HLCS: variants seen among roughly 807,000 people sequenced by gnomAD.
HLCS encodes the protein biotin--protein ligase.
Under a neutral mutation model 75.0 loss-of-function variants are expected in HLCS, and 53 were observed. The observed-to-expected ratio is 0.71, with a 90% CI of 0.57 to 0.89. The LOEUF is 0.89. Among genes scored for constraint, HLCS ranks in the 40% least tolerant of loss-of-function variants. The pLI is 0.00. For missense variants in HLCS, 966 were observed against 1,074.0 expected (o/e 0.90, Z 1.41); for synonymous variants, 431 against 428.6 (o/e 1.01, Z -0.07).
At chr21:36,936,274 G>C (rs1043862648) in intron 4 of HLCS, among the ~76,000 whole-genome samples, 175 bp downstream of exon 4, 1 of 152,096 alleles carries the variant, frequency 6.6e-6, no homozygotes, top group African/African-American at 2.4e-5. Flanking sequence ...AGAAAGCCCT[G>C]AACTAAACTA....
intron 1 of HLCS, among the ~76,000 whole-genome samples, chr21:36,979,749 T>C (rs1019242385): frequency 2.1e-4 from 32 of 151,934 alleles, no homozygotes; most frequent in African/African-American, 5.1e-4. Context: ...ACTCCATCTG[T>C]ACAGAAAATT....
At chr21:36,900,613 C>G (rs1220549979) in intron 5 of HLCS, among the ~76,000 whole-genome samples, 1 of 152,100 alleles carries the variant, frequency 6.6e-6, no homozygotes, top group Non-Finnish European at 1.5e-5. Context: ...CAGGATCACC[C>G]CACTCTGACT....
rs1324271194 is a variant in HLCS at position 36,793,265 on chromosome 21, C to G, written c.1893-25980G>C. 2.0e-5 allele frequency among the ~76,000 whole-genome samples: 3 copies of G among 149,518 alleles called. No homozygotes were observed. The East Asian group carries it at 6.0e-4, about 30-fold the overall frequency. On this transcript the variant is annotated intron_variant, in intron 6 of 10. Transcript: ENST00000674895. ...CCACAGGTGTGTGCCTGTCGGAGGG[C>G]TCGGAGAACACGGGACAGCAGGAAG... is the stretch of plus-strand genomic sequence containing the variant.
At chr21:36,947,103 G>A (rs12627541) in intron 2 of HLCS, among the ~76,000 whole-genome samples, 1 of 151,996 alleles carries the variant, frequency 6.6e-6, no homozygotes, top group Admixed American at 6.5e-5. Context: ...GAGGAGAACC[G>A]CTCAGCCAAT....
intron 1 of HLCS, among the ~76,000 whole-genome samples, chr21:36,963,072 G>A (rs1412299119): frequency 6.6e-6 from 1 of 152,180 alleles, no homozygotes; most frequent in Admixed American, 6.5e-5. Flanking sequence ...ATATGCAGAC[G>A]CAATCAGACA....
intron 6 of HLCS, among the ~76,000 whole-genome samples, chr21:36,876,152 C>A (rs925337904): frequency 1.3e-5 from 2 of 152,114 alleles, no homozygotes; most frequent in African/African-American, 4.8e-5. Flanking sequence ...CGCCAGTGTG[C>A]GCCTGGCTCA....
chr21:36,922,609 G>C (rs1190304701), intron 5 of HLCS, among the ~76,000 whole-genome samples: 3 of 152,132 alleles, frequency 2.0e-5, no homozygotes, highest in African/African-American at 4.8e-5. Flanking sequence ...ACCGACAGAC[G>C]GACTAACCTT....
At chr21:36,917,713 G>A (rs958993919) in intron 5 of HLCS, among the ~76,000 whole-genome samples, 3 of 152,066 alleles carry the variant, frequency 2.0e-5, no homozygotes, top group Admixed American at 1.3e-4. Context: ...ACTTGCCTCC[G>A]GGGAGGTGAG....
At chr21:36,932,579 G>GCTCC (rs1177957046) in intron 4 of HLCS, among the ~76,000 whole-genome samples, 1 of 152,154 alleles carries the variant, frequency 6.6e-6, no homozygotes, top group Non-Finnish European at 1.5e-5. Context: ...GGAACCTCTA[G>GCTCC]CTCCCCTGAG....
intron 6 of HLCS, among the ~76,000 whole-genome samples, chr21:36,875,442 A>C (rs1380513675): frequency 6.6e-6 from 1 of 152,246 alleles, no homozygotes; most frequent in Non-Finnish European, 1.5e-5. Context: ...CTCCTCTGGA[A>C]GACCCCGCTG....
chr21:36,768,362 G>C (rs2090116988), intron 6 of HLCS, among the ~76,000 whole-genome samples: 1 of 152,226 alleles, frequency 6.6e-6, no homozygotes, highest in African/African-American at 2.4e-5. Flanking sequence ...GCTAGAGAAA[G>C]ACCACGCTGA....
At chr21:36,841,587 G>C (rs2062617995) in intron 6 of HLCS, among the ~76,000 whole-genome samples, 1 of 152,222 alleles carries the variant, frequency 6.6e-6, no homozygotes, top group Non-Finnish European at 1.5e-5. Context: ...GAGCACGGGA[G>C]TCAAAATCCT....
chr21:36,982,430 T>G (rs1225106284), intron 1 of HLCS, among the ~76,000 whole-genome samples: 2 of 152,206 alleles, frequency 1.3e-5, no homozygotes, highest in Non-Finnish European at 2.9e-5. Flanking sequence ...TGCTAAACTG[T>G]TTTCCAAAGC....
intron 5 of HLCS, among the ~76,000 whole-genome samples, chr21:36,903,252 T>C (rs2065313407): frequency 6.6e-6 from 1 of 152,168 alleles, no homozygotes; most frequent in East Asian, 1.9e-4. Flanking sequence ...CTTTCCTTGG[T>C]ATATACTCTA....
In HLCS at chr21:36,842,217, T is replaced by C. The variant is rs1383438154; in HGVS notation, c.1892+54643A>G. ...CAAGAGGCCATGGTGTATGTTTCCA[T>C]CGGTATAAAATATAAAACCAGGCAA... On this transcript the variant is annotated intron_variant, in intron 6 of 10. Transcript: ENST00000674895. The surrounding 1 kb of genome is among the most constrained non-coding windows in gnomAD (Gnocchi z 4.2). Among the ~76,000 whole-genome samples the C allele has an allele frequency of 6.6e-6, 1 of 152,128 alleles. No individual in the cohort carries two copies. Among genetic ancestry groups the C allele is most frequent in the Non-Finnish European group, 1.5e-5 (1 of 68,018 alleles).
chr21:36,815,064 T>TCA (rs1271554795), intron 6 of HLCS, among the ~76,000 whole-genome samples: 6 of 150,812 alleles, frequency 4.0e-5, no homozygotes, highest in Admixed American at 4.0e-4. Context: ...TCTCACTCTG[T>TCA]CACCCAGGCT....
chr21:36,782,926 G>A (rs190867385), intron 6 of HLCS, among the ~76,000 whole-genome samples: 2,578 of 151,786 alleles, frequency 0.017, 69 homozygotes, highest in African/African-American at 0.058. Context: ...AGAGACTGCC[G>A]AGATCACACC....
chr21:36,775,343 A>G (rs1436055605), intron 6 of HLCS, among the ~76,000 whole-genome samples: 1 of 152,228 alleles, frequency 6.6e-6, no homozygotes, highest in Non-Finnish European at 1.5e-5. Context: ...GTTGGTCTGT[A>G]TTATCCAATC....
intron 5 of HLCS, among the ~76,000 whole-genome samples, chr21:36,915,250 C>T (rs2065884318): frequency 6.6e-6 from 1 of 152,242 alleles, no homozygotes; most frequent in African/African-American, 2.4e-5. Flanking sequence ...AACGAGAAAA[C>T]GAGAACATCT....
Sources: gnomAD v4.1 joint callset for allele counts (sites outside exome capture counted in the v4.1 genomes callset) on GRCh38, gnomAD v4.1.1 for gene constraint, Gnocchi (gnomAD v3.1) non-coding constraint, MANE v1.5 for transcripts, NCBI Gene and HGNC (gene_info 2026-07-23, HGNC 2026-07-21) for gene names.